MBOAT1: variants seen among roughly 807,000 people sequenced by gnomAD.
The protein encoded by MBOAT1 is membrane bound glycerophospholipid O-acyltransferase 1.
A neutral mutation model predicts 64.4 loss-of-function variants in MBOAT1; 67 were observed. The observed-to-expected ratio is 1.04, with a 90% CI of 0.85 to 1.27. The LOEUF (loss-of-function observed/expected upper bound fraction) is 1.27, where lower values mean the gene tolerates loss of function less well. MBOAT1 is among the 50% of genes most tolerant of loss of function. The probability of loss-of-function intolerance (pLI) is 0.00; values close to 1 mark genes in which losing one functional copy is unlikely to be tolerated. For missense variants in MBOAT1, 563 were observed against 604.6 expected (o/e 0.93, Z 0.72); for synonymous variants, 229 against 218.9 (o/e 1.05, Z -0.41).
At chr6:20,148,206 G>A (rs1761382716) in intron 3 of MBOAT1, among the ~76,000 whole-genome samples, 1 of 152,170 alleles carries the variant, frequency 6.6e-6, no homozygotes, top group Non-Finnish European at 1.5e-5. Flanking sequence ...AATCACGTAA[G>A]GTCAGTTCAA....
rs1160669168 is a variant in MBOAT1, at chr6:20,142,510, C to T, written c.419+1710G>A. On this transcript the variant is annotated intron_variant, in intron 4 of 12. Coordinates refer to ENST00000324607, the MANE Select transcript of MBOAT1 (RefSeq NM_001080480.3). ...TGCCACCCAGGCTGGAGTGCAGTGG[C>T]GCGATCTCAGCTCACTACAACCTCC... 3.3e-5 allele frequency among the ~76,000 whole-genome samples: 5 copies of T among 152,108 alleles called. No homozygotes were observed. In the East Asian group the frequency reaches 5.8e-4, roughly 18 times the overall value.
At chr6:20,172,712 T>C (rs1370623982) in intron 1 of MBOAT1, among the ~76,000 whole-genome samples, 2 of 124,020 alleles carry the variant, frequency 1.6e-5, no homozygotes, top group Non-Finnish European at 3.6e-5. Context: ...AAAATATGTA[T>C]ATGCAAATAT....
chr6:20,152,999 AT>A (rs1330392068), intron 1 of MBOAT1, among the ~76,000 whole-genome samples: 2 of 151,620 alleles, frequency 1.3e-5, no homozygotes, highest in Non-Finnish European at 2.9e-5. Context: ...CGCCCGGCTA[AT>A]TTTTTTTGTA....
At position 20,212,369 on chromosome 6, in the gene MBOAT1, G is replaced by A. The variant is rs1763466859; in HGVS notation, c.-135C>T. 1.1e-5 allele frequency: 8 copies of A among 751,676 alleles called. No individual in the cohort carries two copies. In the South Asian group the frequency reaches 1.3e-4, roughly 12 times the overall value. The allele number at this position is 751,676 out of a possible 1,614,324, so 46.6% of individuals were successfully genotyped here. Reference sequence around the variant, plus strand: ...CTGGTTCGCGGGGGAGCGAACGGGAGGCCGGGGAATGCGAACCGGCGCAAA... The same window carrying A: ...CTGGTTCGCGGGGGAGCGAACGGGAAGCCGGGGAATGCGAACCGGCGCAAA... On this transcript the variant is annotated 5_prime_UTR_variant, in exon 1 of 13. Transcript: ENST00000324607.
rs150830540 is a variant in MBOAT1 at position 20,126,577 on chromosome 6, C to T, written c.654G>A (p.Lys218=). ...TTCGCTTCCAGTTCACCTCCAGCAACTTCATGTGTATATGCTTCCCCTCAA... is the reference window on the plus strand; with the variant it reads ...TTCGCTTCCAGTTCACCTCCAGCAATTTCATGTGTATATGCTTCCCCTCAA... ...AFIEGKHIHM[K]LLEVNWKRKG... is the part of the protein sequence containing the mutation. The change falls in exon 7 of 13, where the codon AAG becomes AAA. Residue 218 remains lysine, a synonymous_variant. Coordinates refer to ENST00000324607, the MANE Select transcript of MBOAT1 (RefSeq NM_001080480.3). 1,502 of 1,613,900 alleles carry T rather than the reference C, an allele frequency of 9.3e-4. 1 individual carries two copies. Among genetic ancestry groups the T allele is most frequent in the South Asian group, 1.7e-3 (158 of 90,968 alleles).
At chr6:20,152,996 C>G (rs535822038) in intron 1 of MBOAT1, among the ~76,000 whole-genome samples, 3 of 152,134 alleles carry the variant, frequency 2.0e-5, no homozygotes, top group Non-Finnish European at 4.4e-5. Flanking sequence ...CCACGCCCGG[C>G]TAATTTTTTT....
intron 1 of MBOAT1, among the ~76,000 whole-genome samples, chr6:20,210,372 A>G (rs527645026): frequency 6.6e-6 from 1 of 152,312 alleles, no homozygotes; most frequent in East Asian, 1.9e-4. Flanking sequence ...GCCACAACGT[A>G]GCCTCAAACG....
At chr6:20,128,880 C>A in intron 5 of MBOAT1, 127 bp from the exon 6 acceptor site, 26 of 659,274 alleles carry the variant, frequency 3.9e-5, no homozygotes, top group South Asian at 1.3e-4. Context: ...ATAAAGAGTT[C>A]CTGTTTTTCA....
chr6:20,111,803 T>TACA (rs1760144041), intron 11 of MBOAT1, among the ~76,000 whole-genome samples: 3 of 76,234 alleles, frequency 3.9e-5, no homozygotes, highest in Admixed American at 2.6e-4. Flanking sequence ...ATCCACTTTG[T>TACA]TCATATATAT....
chr6:20,159,570 T>C (rs892645694), intron 1 of MBOAT1, among the ~76,000 whole-genome samples: 2 of 151,982 alleles, frequency 1.3e-5, no homozygotes, highest in African/African-American at 4.8e-5. Flanking sequence ...ATGTGGAATC[T>C]AAAAAAGTCG....
intron 1 of MBOAT1, among the ~76,000 whole-genome samples, chr6:20,177,759 G>A (rs1242154127): frequency 8.0e-6 from 1 of 125,106 alleles, no homozygotes; most frequent in Non-Finnish European, 1.6e-5. Context: ...GGGCAACAGA[G>A]TGAGACTCCG....
At chr6:20,138,486 C>T (rs566919557) in intron 4 of MBOAT1, among the ~76,000 whole-genome samples, 1 of 152,198 alleles carries the variant, frequency 6.6e-6, no homozygotes, top group Non-Finnish European at 1.5e-5. Flanking sequence ...CCATGCTCCT[C>T]TTGTGTCAAA....
chr6:20,135,750 T>C (rs1760973255), intron 4 of MBOAT1, among the ~76,000 whole-genome samples: 1 of 152,218 alleles, frequency 6.6e-6, no homozygotes, highest in Non-Finnish European at 1.5e-5. Flanking sequence ...CTTCGTATCT[T>C]TATTACTTCC....
chr6:20,168,586 AGAGGG>A lies in MBOAT1; in HGVS notation c.100-15822_100-15818del, dbSNP rs1355922590. On this transcript the variant is annotated intron_variant, in intron 1 of 12. Transcript: ENST00000324607. ...GAGAAAGAGAGAGAGAGAAAGAGAG[AGAGGG>A]AGAGAAAGAGAGAAGAGAAGAGAAG... 6.8e-3 allele frequency among the ~76,000 whole-genome samples: 649 copies of A among 94,832 alleles called. 1 individual carries two copies. The highest frequency in any genetic ancestry group is 7.6e-3 in the Non-Finnish European group (357 of 46,942). 62.2% of individuals were successfully genotyped at this position (94,832 alleles called of 152,430 possible).
In MBOAT1 at chr6:20,153,202, A is replaced by G. The variant is rs115291953; in HGVS notation, c.100-433T>C. On this transcript the variant is annotated intron_variant, in intron 1 of 12. Transcript: ENST00000324607. Reference sequence around the variant, plus strand: ...GACTTGGATTTGTTCTTTCTCCCCAATAGATTGTTTGGAAGAGGAAATGAA... The same window carrying G: ...GACTTGGATTTGTTCTTTCTCCCCAGTAGATTGTTTGGAAGAGGAAATGAA... Among the ~76,000 whole-genome samples, 1,184 of 152,258 alleles carry G rather than the reference A, an allele frequency of 7.8e-3. 13 individuals carry two copies. The highest frequency in any genetic ancestry group is 0.026 in the African/African-American group (1,075 of 41,544).
Position 20,162,182 on chromosome 6 carries a change from G to A in MBOAT1, c.100-9413C>T, listed in dbSNP as rs897192930. Among the ~76,000 whole-genome samples, 7 of 152,246 alleles carry A rather than the reference G, an allele frequency of 4.6e-5. No homozygotes were observed. The East Asian group carries it at 1.2e-3, about 25-fold the overall frequency. On this transcript the variant is annotated intron_variant, in intron 1 of 12. Coordinates refer to ENST00000324607, the MANE Select transcript of MBOAT1 (RefSeq NM_001080480.3). ...AATACAGCCACATTCTGAGGGACTC[G>A]GGGTTTAGGACTTCAACATTTAAAT...
At chr6:20,190,883 A>G (rs1238246946) in intron 1 of MBOAT1, among the ~76,000 whole-genome samples, 1 of 124,218 alleles carries the variant, frequency 8.1e-6, no homozygotes, top group Non-Finnish European at 1.8e-5. Flanking sequence ...GGACTCATCA[A>G]CTCCAGCAGT....
chr6:20,197,315 G>A (rs1219272295), intron 1 of MBOAT1, among the ~76,000 whole-genome samples: 4 of 152,076 alleles, frequency 2.6e-5, no homozygotes, highest in East Asian at 3.9e-4. Context: ...ACTGCATCAC[G>A]TAAACCTGCC....
intron 3 of MBOAT1, among the ~76,000 whole-genome samples, chr6:20,146,809 G>A (rs1481327658): frequency 6.6e-6 from 1 of 152,152 alleles, no homozygotes; most frequent in Non-Finnish European, 1.5e-5. Context: ...ATACAACAGG[G>A]CAACGCATTC....
Sources: gnomAD v4.1 joint callset for allele counts (sites outside exome capture counted in the v4.1 genomes callset) on GRCh38, gnomAD v4.1.1 for gene constraint, MANE v1.5 for transcripts, NCBI Gene and HGNC (gene_info 2026-07-23, HGNC 2026-07-21) for gene names.